The following DLGAP2 variants were observed in gnomAD, a reference collection of about 807,000 sequenced individuals.
DLGAP2 encodes DLG associated protein 2.
Under a neutral mutation model 100.3 loss-of-function variants are expected in DLGAP2, and 26 were observed. That is an observed-to-expected ratio of 0.26 (90% CI 0.19 to 0.36). The LOEUF is 0.36. Ranked by LOEUF, DLGAP2 falls within the 10% of genes least tolerant of loss-of-function variation. The pLI is 1.00. For missense variants in DLGAP2, 1,858 were observed against 1,453.2 expected (o/e 1.28, Z -4.53); for synonymous variants, 886 against 630.1 (o/e 1.41, Z -6.08).
At chr8:1,220,375 A>C (rs1166766611) in intron 2 of DLGAP2, among the ~76,000 whole-genome samples, 5 of 152,154 alleles carry the variant, frequency 3.3e-5, no homozygotes, top group Non-Finnish European at 5.9e-5. Flanking sequence ...AAAGTAATTC[A>C]AGAGGAAGCT....
intron 2 of DLGAP2, among the ~76,000 whole-genome samples, chr8:1,162,401 T>C (rs1796910337): frequency 6.6e-6 from 1 of 152,198 alleles, no homozygotes. Context: ...AGAAAGAATA[T>C]TGTTTTCAAT....
At chr8:1,240,007 C>T (rs1180689839) in intron 2 of DLGAP2, among the ~76,000 whole-genome samples, 11 of 147,858 alleles carry the variant, frequency 7.4e-5, no homozygotes, top group East Asian at 4.3e-4. Flanking sequence ...CACAGAGCAT[C>T]GTGTCTAGTT....
At chr8:1,178,070 G>A (rs1004342781) in intron 2 of DLGAP2, among the ~76,000 whole-genome samples, 11 of 152,214 alleles carry the variant, frequency 7.2e-5, no homozygotes, top group East Asian at 1.9e-4. Flanking sequence ...CATGGGACAC[G>A]GTGCTCTGGG....
At chr8:1,045,777 TC>T (rs1649359810) in intron 2 of DLGAP2, among the ~76,000 whole-genome samples, 1 of 152,194 alleles carries the variant, frequency 6.6e-6, no homozygotes, top group Admixed American at 6.5e-5. Flanking sequence ...CCAGAAGAGT[TC>T]CTGGCACATA....
intron 3 of DLGAP2, among the ~76,000 whole-genome samples, chr8:1,427,253 T>C (rs1446848314): frequency 1.3e-5 from 2 of 152,148 alleles, no homozygotes; most frequent in African/African-American, 2.4e-5. Flanking sequence ...AGAAAAGGAA[T>C]TGCTCAAGCA....
At chr8:1,044,492 C>T (rs185651083) in intron 2 of DLGAP2, among the ~76,000 whole-genome samples, 11 of 152,320 alleles carry the variant, frequency 7.2e-5, no homozygotes, top group Admixed American at 5.9e-4. Context: ...GCAGTCCTAG[C>T]GCTGAAATCT....
At chr8:1,538,557 C>T (rs1478368281) in intron 4 of DLGAP2, among the ~76,000 whole-genome samples, 2 of 152,176 alleles carry the variant, frequency 1.3e-5, no homozygotes, top group Admixed American at 6.5e-5. Flanking sequence ...CCGTGCAGGG[C>T]GCATTCTGTG....
chr8:1,325,605 G>A (rs751103070), intron 3 of DLGAP2, among the ~76,000 whole-genome samples: 1 of 152,312 alleles, frequency 6.6e-6, no homozygotes, highest in Non-Finnish European at 1.5e-5. Flanking sequence ...CCCCTGAAAG[G>A]ATTAAGGGGA....
At chr8:1,279,342 G>A (rs1585217901) in intron 3 of DLGAP2, among the ~76,000 whole-genome samples, 1 of 152,140 alleles carries the variant, frequency 6.6e-6, no homozygotes, top group South Asian at 2.1e-4. Flanking sequence ...CATGAATGAA[G>A]CTCTGTTTGG....
chr8:1,168,622 T>A lies in DLGAP2; in HGVS notation c.74-90229T>A, dbSNP rs1485769683. On this transcript the variant is annotated intron_variant, in intron 2 of 14. Coordinates refer to ENST00000637795, the MANE Select transcript of DLGAP2 (RefSeq NM_001346810.2). ...ATTGTGGTTTTGATTTGCATTTCTC[T>A]GATGGCCAGTGATGGTGAGCATTTT... Among the ~76,000 whole-genome samples the A allele has an allele frequency of 4.9e-3, 733 of 149,084 alleles. 3 individuals are homozygous for A. The highest frequency in any genetic ancestry group is 8.2e-3 in the Non-Finnish European group (550 of 67,236).
At chr8:1,389,277 G>T (rs1050470859) in intron 3 of DLGAP2, among the ~76,000 whole-genome samples, 1 of 142,314 alleles carries the variant, frequency 7.0e-6, no homozygotes, top group East Asian at 2.0e-4. Flanking sequence ...CTCCCAGTCA[G>T]TGGGGAGGGG....
chr8:1,595,686 A>AAG (rs1563245665), intron 6 of DLGAP2, among the ~76,000 whole-genome samples: 1 of 143,064 alleles, frequency 7.0e-6, no homozygotes, highest in African/African-American at 2.5e-5. Context: ...AAAAAAAAAA[A>AAG]AAAAAGAAAT....
At chr8:1,243,066 G>A (rs1253718907) in intron 2 of DLGAP2, among the ~76,000 whole-genome samples, 2 of 152,138 alleles carry the variant, frequency 1.3e-5, no homozygotes, top group African/African-American at 2.4e-5. Context: ...TTGTTTTCAC[G>A]TCCCCATGTT....
intron 2 of DLGAP2, among the ~76,000 whole-genome samples, chr8:1,213,685 C>T (rs374345366): frequency 5.9e-5 from 9 of 152,248 alleles, no homozygotes; most frequent in African/African-American, 1.9e-4. Context: ...GTGCAGGAAT[C>T]ACATCTTCTC....
intron 2 of DLGAP2, among the ~76,000 whole-genome samples, chr8:1,098,108 CA>C (rs1164594235): frequency 1.3e-5 from 2 of 152,266 alleles, no homozygotes. Context: ...CTGCTCTCAG[CA>C]AACGTTGGCG....
chr8:1,284,980 C>A (rs550343844), intron 3 of DLGAP2, among the ~76,000 whole-genome samples: 4 of 152,220 alleles, frequency 2.6e-5, no homozygotes, highest in Non-Finnish European at 5.9e-5. Context: ...CCAGCAAATG[C>A]CAGGTTCTTG....
chr8:1,025,173 A>C (rs1801760335), intron 2 of DLGAP2, among the ~76,000 whole-genome samples: 2 of 152,036 alleles, frequency 1.3e-5, no homozygotes, highest in Admixed American at 1.3e-4. Flanking sequence ...TGTGTGTCTT[A>C]ATTAGTTGCA....
intron 4 of DLGAP2, among the ~76,000 whole-genome samples, chr8:1,533,367 G>A (rs185542806): frequency 4.2e-4 from 64 of 151,936 alleles, no homozygotes; most frequent in African/African-American, 1.2e-3. Context: ...TTAGCCGGGC[G>A]TTGTGGCGGG....
chr8:769,439 C>T (rs1269965932), intron 1 of DLGAP2, among the ~76,000 whole-genome samples: 1 of 151,964 alleles, frequency 6.6e-6, no homozygotes, highest in Non-Finnish European at 1.5e-5. Flanking sequence ...ACCCCGAATA[C>T]AGGAAAAAGG....
Sources: allele counts gnomAD v4.1 joint callset (sites outside exome capture counted in the v4.1 genomes callset), GRCh38; gene constraint gnomAD v4.1.1; transcripts MANE v1.5; gene names NCBI Gene and HGNC (gene_info 2026-07-23, HGNC 2026-07-21).